Variants in HSF2BP observed in about 807,000 individuals in gnomAD.
HSF2BP encodes the protein heat shock transcription factor 2 binding protein, also known as heat shock factor 2-binding protein.
Under a neutral mutation model 35.0 loss-of-function variants are expected in HSF2BP, and 35 were observed. The ratio of observed to expected loss-of-function variants is 1.00; its 90% CI spans 0.76 to 1.32. The LOEUF is 1.32. Ranked by LOEUF, HSF2BP falls within the 40% of genes most tolerant of loss-of-function variation. The pLI is 0.00. For missense variants in HSF2BP, 326 were observed against 321.7 expected, an observed-to-expected ratio of 1.01 and a Z score of -0.10; for synonymous variants, 114 against 117.4, an observed-to-expected ratio of 0.97 and a Z score of 0.18.
intron 7 of HSF2BP, among the ~76,000 whole-genome samples, chr21:43,600,142 A>G (rs2082034800): frequency 6.6e-6 from 1 of 152,228 alleles, no homozygotes; most frequent in African/African-American, 2.4e-5. Flanking sequence ...AGGGCTGAAC[A>G]AGCACAAGGT....
intron 7 of HSF2BP, among the ~76,000 whole-genome samples, chr21:43,595,168 A>C (rs1413536313): frequency 6.6e-6 from 1 of 152,220 alleles, no homozygotes; most frequent in Non-Finnish European, 1.5e-5. Flanking sequence ...AGGCTGAGGC[A>C]GGAGAATCTC....
At chr21:43,600,944 G>A (rs527850657) in intron 7 of HSF2BP, among the ~76,000 whole-genome samples, 2 of 152,270 alleles carry the variant, frequency 1.3e-5, no homozygotes, top group Non-Finnish European at 1.5e-5. Flanking sequence ...AATCTTCCAC[G>A]CCATGGTGAG....
chr21:43,615,949 C>A (rs1237524252), intron 6 of HSF2BP, among the ~76,000 whole-genome samples: 1 of 151,570 alleles, frequency 6.6e-6, no homozygotes, highest in Non-Finnish European at 1.5e-5. Context: ...AAACTGTAGA[C>A]CCATGATCAA....
chr21:43,581,268 C>T (rs1309896381), intron 8 of HSF2BP, among the ~76,000 whole-genome samples: 1 of 152,042 alleles, frequency 6.6e-6, no homozygotes, highest in African/African-American at 2.4e-5. Flanking sequence ...TGCCTGTAGT[C>T]CCAGCTACTT....
intron 5 of HSF2BP, 113 bp downstream of exon 5, chr21:43,633,159 A>T (rs1482753471): frequency 1.7e-6 from 2 of 1,195,416 alleles, no homozygotes; most frequent in African/African-American, 3.1e-5. Flanking sequence ...ATGAGTGAAC[A>T]AAAGAAAATG....
At chr21:43,658,378 T>G (rs1304366337) in intron 1 of HSF2BP, 58 bp from the exon 2 acceptor site, 1 of 492,644 alleles carries the variant, frequency 2.0e-6, no homozygotes, top group African/African-American at 2.1e-5. Flanking sequence ...ATAAATCGGA[T>G]GGGTCCTTTC....
intron 6 of HSF2BP, among the ~76,000 whole-genome samples, chr21:43,626,586 G>C (rs942247896): frequency 6.6e-6 from 1 of 152,156 alleles, no homozygotes; most frequent in Non-Finnish European, 1.5e-5. Flanking sequence ...ACACACACTG[G>C]TCTTGTATGG....
chr21:43,596,738 G>A (rs779545167), intron 7 of HSF2BP, among the ~76,000 whole-genome samples: 3 of 151,922 alleles, frequency 2.0e-5, no homozygotes, highest in Non-Finnish European at 2.9e-5. Context: ...AAAACCATTA[G>A]ATAGGCATGG....
rs973481090 is a variant in HSF2BP, at chr21:43,652,946, C to T, written c.187+3641G>A. Among the ~76,000 whole-genome samples, 40 of 152,092 alleles carry T rather than the reference C, an allele frequency of 2.6e-4. 1 individual carries two copies. In the East Asian group the frequency reaches 7.4e-3, roughly 28 times the overall value. Reference sequence around the variant, plus strand: ...GGTCAGGAGTTCAAGACTAGTCTGGCCAACGTGGTGAAACCTGGTCTCTAA... The same window carrying T: ...GGTCAGGAGTTCAAGACTAGTCTGGTCAACGTGGTGAAACCTGGTCTCTAA... On this transcript the variant is annotated intron_variant, in intron 3 of 8. Transcript: ENST00000291560.
chr21:43,639,492 GA>G (rs922443332), intron 4 of HSF2BP, among the ~76,000 whole-genome samples: 2 of 151,902 alleles, frequency 1.3e-5, no homozygotes, highest in East Asian at 1.9e-4. Context: ...TAAAAGACAC[GA>G]AAAAAACATT....
chr21:43,603,792 A>G (rs2082079863), intron 7 of HSF2BP, among the ~76,000 whole-genome samples: 1 of 152,158 alleles, frequency 6.6e-6, no homozygotes, highest in Admixed American at 6.5e-5. Context: ...TAAACTAGGA[A>G]CAGCCCGAAA....
At chr21:43,573,244 G>A (rs965306037) in intron 8 of HSF2BP, among the ~76,000 whole-genome samples, 5 of 152,156 alleles carry the variant, frequency 3.3e-5, no homozygotes, top group Admixed American at 6.5e-5. Context: ...CCAGTGTGAC[G>A]GGGGGCTGAC....
chr21:43,612,650 CAAAAAAAAAAAAA>C (rs762585967), intron 7 of HSF2BP, among the ~76,000 whole-genome samples: 1 of 76,522 alleles, frequency 1.3e-5, no homozygotes, highest in Admixed American at 1.6e-4. Flanking sequence ...GACTCCGTCT[CAAAAAAAAAAAAA>C]AAAAAAAAAG....
chr21:43,624,439 G>A (rs958403591), intron 6 of HSF2BP, among the ~76,000 whole-genome samples: 1 of 152,200 alleles, frequency 6.6e-6, no homozygotes, highest in Non-Finnish European at 1.5e-5. Flanking sequence ...GGGTTAGTCA[G>A]TGGCAGAAGC....
intron 4 of HSF2BP, among the ~76,000 whole-genome samples, chr21:43,643,710 G>A (rs913664546): frequency 6.6e-6 from 1 of 152,208 alleles, no homozygotes; most frequent in Non-Finnish European, 1.5e-5. Flanking sequence ...TGTAATCCCA[G>A]CCCTTTGGGA....
chr21:43,642,216 T>C (rs2082646377), intron 4 of HSF2BP, among the ~76,000 whole-genome samples: 2 of 152,114 alleles, frequency 1.3e-5, no homozygotes, highest in South Asian at 4.2e-4. Context: ...TAATTAAATT[T>C]AGCTGGATGT....
intron 3 of HSF2BP, among the ~76,000 whole-genome samples, chr21:43,649,672 G>C (rs1244181281): frequency 6.6e-6 from 1 of 152,132 alleles, no homozygotes; most frequent in African/African-American, 2.4e-5. Context: ...GCTCCTCTGA[G>C]ACTGTCAGTG....
At chr21:43,644,438 T>A (rs756728118) in intron 3 of HSF2BP, 46 bp from the exon 4 acceptor site, 2 of 1,445,608 alleles carry the variant, frequency 1.4e-6, no homozygotes, top group Admixed American at 1.7e-5. Flanking sequence ...AAGTCACTAA[T>A]CTCTCCCTAA....
chr21:43,658,496 AC>A (rs2082913056), intron 1 of HSF2BP, among the ~76,000 whole-genome samples, 176 bp from the exon 2 acceptor site: 1 of 152,074 alleles, frequency 6.6e-6, no homozygotes, highest in African/African-American at 2.4e-5. Context: ...AGGCGCTTTT[AC>A]GTTAAGGGTT....
Sources: allele counts gnomAD v4.1 joint callset (sites outside exome capture counted in the v4.1 genomes callset), GRCh38; gene constraint gnomAD v4.1.1; transcripts MANE v1.5; gene names NCBI Gene and HGNC (gene_info 2026-07-23, HGNC 2026-07-21).